Variants in RNF216 observed in about 807,000 individuals in gnomAD.
RNF216 encodes the protein ring finger protein 216.
RNF216 carries 72 observed loss-of-function variants against 110.8 expected under a neutral mutation model. That is an observed-to-expected ratio of 0.65 (90% confidence interval 0.54 to 0.79). The LOEUF (loss-of-function observed/expected upper bound fraction) is 0.79, where lower values mean the gene tolerates loss of function less well. Ranked by LOEUF, RNF216 falls within the 30% of genes least tolerant of loss-of-function variation. The pLI is 0.00. For missense variants in RNF216, 1,342 were observed against 1,141.2 expected, an observed-to-expected ratio of 1.18 and a Z score of -2.54; for synonymous variants, 495 against 407.5, an observed-to-expected ratio of 1.21 and a Z score of -2.59.
Position 5,641,152 on chromosome 7 carries a change from A to AC in RNF216, c.2382+1dup. On this transcript the variant is annotated splice_donor_variant, in intron 15 of 16. Transcript: ENST00000389902. LOFTEE classifies it high-confidence loss of function. Reference sequence around the variant, plus strand: ...GCAATAGGCAGCCATGTGTCTACTTACAGTGGGATCGGTCCAGAGAGAGCA... The same window carrying AC: ...GCAATAGGCAGCCATGTGTCTACTTACCAGTGGGATCGGTCCAGAGAGAGCA... 6.2e-7 allele frequency: 1 copy of AC among 1,607,292 alleles called. No homozygotes were observed. Among genetic ancestry groups the AC allele is most frequent in the Non-Finnish European group, 8.5e-7 (1 of 1,174,084 alleles).
At chr7:5,711,867 T>TA (rs1366685848) in intron 12 of RNF216, 28 bp from the exon 13 acceptor site, 1 of 1,599,156 alleles carries the variant, frequency 6.3e-7, no homozygotes, top group East Asian at 2.2e-5. Flanking sequence ...GAACTGACAT[T>TA]ACTTCAAACA....
intron 9 of RNF216, among the ~76,000 whole-genome samples, chr7:5,720,345 A>G (rs1441030467): frequency 1.3e-5 from 2 of 152,232 alleles, no homozygotes; most frequent in African/African-American, 4.8e-5. Context: ...CATTTAATGA[A>G]TATGAAATAT....
At position 5,721,127 on chromosome 7, in the gene RNF216, C is replaced by A. The variant is rs747273538; in HGVS notation, c.1550G>T (p.Arg517Leu). 6.2e-7 allele frequency: 1 copy of A among 1,613,880 alleles called. No homozygotes were observed. The highest frequency in any genetic ancestry group is 8.5e-7 in the Non-Finnish European group (1 of 1,179,798). ...TCGGTCATAGGACCTACAATGTCGT[C>A]GCTTATTTTCAAGAAAGAACATCCT... ...EKRMFFLENKRRHCRSYDRRA... is the reference protein window; with the variant it reads ...EKRMFFLENKLRHCRSYDRRA... Residue 517 changes from arginine (R) to leucine (L), a missense_variant, in exon 9 of 17, where the codon CGA becomes CTA. Arg to Leu is a moderately radical substitution (Grantham distance 102). Transcript: ENST00000389902.
At chr7:5,772,214 C>A (rs1584620034) in intron 1 of RNF216, among the ~76,000 whole-genome samples, 2 of 152,154 alleles carry the variant, frequency 1.3e-5, no homozygotes, top group African/African-American at 4.8e-5. Flanking sequence ...GCCTGGGCAA[C>A]AAGAGTGAAA....
chr7:5,733,062 GAGACTGAGCTACAACAA>G (rs1465104775), intron 5 of RNF216: 1 of 152,230 alleles, frequency 6.6e-6, no homozygotes, highest in African/African-American at 2.4e-5. Flanking sequence ...TAAAGCAACT[GAGACTGAGCTACAACAA>G]AATCCCAGCC....
intron 14 of RNF216, among the ~76,000 whole-genome samples, chr7:5,648,354 G>A (rs1164295513): frequency 2.0e-5 from 3 of 151,682 alleles, no homozygotes; most frequent in Non-Finnish European, 4.4e-5. Context: ...TGATCCGCCT[G>A]CCTCAGCCTC....
intron 13 of RNF216, among the ~76,000 whole-genome samples, chr7:5,691,700 C>T (rs555381605): frequency 6.6e-6 from 1 of 152,358 alleles, no homozygotes; most frequent in Non-Finnish European, 1.5e-5. Context: ...ACACATGGTT[C>T]TGGCCACCCG....
intron 13 of RNF216, among the ~76,000 whole-genome samples, chr7:5,664,521 C>A (rs1789377687): frequency 6.6e-6 from 1 of 152,226 alleles, no homozygotes; most frequent in South Asian, 2.1e-4. Context: ...AAGTTGATCT[C>A]TCTTCAATCA....
intron 13 of RNF216, among the ~76,000 whole-genome samples, chr7:5,706,728 G>T (rs74780509): frequency 6.6e-6 from 1 of 152,126 alleles, no homozygotes; most frequent in African/African-American, 2.4e-5. Flanking sequence ...CCTTTCCACC[G>T]GCTGCCTTTT....
At chr7:5,675,337 C>A (rs1324242651) in intron 13 of RNF216, among the ~76,000 whole-genome samples, 2 of 152,132 alleles carry the variant, frequency 1.3e-5, no homozygotes, top group Admixed American at 6.6e-5. Context: ...TCCCAGGGGA[C>A]AGGGGAGGTG....
chr7:5,712,755 C>G lies in RNF216; in HGVS notation c.1942G>C (p.Glu648Gln). 6.2e-7 allele frequency: 1 copy of G among 1,614,106 alleles called. No individual in the cohort carries two copies. Among genetic ancestry groups the G allele is most frequent in the Non-Finnish European group, 8.5e-7 (1 of 1,180,030 alleles). Residue 648 changes from glutamate to glutamine, a missense_variant, in exon 12 of 17, where the codon GAG becomes CAG. Coordinates refer to ENST00000389902, the MANE Select transcript of RNF216 (RefSeq NM_207111.4). ...GCGTAGGCTGCCGCAACCTCCTCCT[C>G]GGCTTTTCGCTCATAGTACTTATAC... ...ILYKYYERKAEEEVAAAYADE... is the reference protein window; with the variant it reads ...ILYKYYERKAQEEVAAAYADE...
intron 2 of RNF216, among the ~76,000 whole-genome samples, chr7:5,753,566 ATTC>A (rs1277986433): frequency 6.6e-6 from 1 of 152,184 alleles, no homozygotes; most frequent in Non-Finnish European, 1.5e-5. Context: ...AAATGTAGTA[ATTC>A]TATTCAAGGT....
intron 13 of RNF216, among the ~76,000 whole-genome samples, chr7:5,688,609 C>G (rs1412135877): frequency 6.6e-6 from 1 of 152,184 alleles, no homozygotes; most frequent in Non-Finnish European, 1.5e-5. Flanking sequence ...CCAGCTTTAT[C>G]CTTTACATTT....
chr7:5,668,694 G>A (rs1789695184), intron 13 of RNF216, among the ~76,000 whole-genome samples: 1 of 152,198 alleles, frequency 6.6e-6, no homozygotes, highest in African/African-American at 2.4e-5. Flanking sequence ...CACCCAGAGT[G>A]GAGGGCTCAG....
chr7:5,671,801 G>A (rs1196733468), intron 13 of RNF216, among the ~76,000 whole-genome samples: 10 of 75,644 alleles, frequency 1.3e-4, no homozygotes, highest in Admixed American at 6.9e-4. Flanking sequence ...CCAAAACTCC[G>A]TCTCAAAAAA....
rs1786313971 is a variant in RNF216, at chr7:5,620,934, A to G, written c.*1926T>C. ...TCCTCCCTGGGGAAGCACAGGGAGC[A>G]TATTTAAGGTACCGAAGACAATCCT... On this transcript the variant is annotated 3_prime_UTR_variant, in exon 17 of 17. Transcript: ENST00000389902. 6.6e-6 allele frequency: 1 copy of G among 152,234 alleles called. No individual in the cohort carries two copies. The highest frequency in any genetic ancestry group is 1.5e-5 in the Non-Finnish European group (1 of 68,054). The allele number at this position is 152,234 out of a possible 1,614,324, so 9.4% of individuals were successfully genotyped here.
intron 1 of RNF216, among the ~76,000 whole-genome samples, chr7:5,777,033 G>A (rs533551295): frequency 7.2e-5 from 11 of 152,076 alleles, no homozygotes; most frequent in South Asian, 2.1e-4. Flanking sequence ...GGGCTCCTGG[G>A]CCCAGAGTCA....
chr7:5,626,412 T>TA (rs746722830), intron 15 of RNF216, among the ~76,000 whole-genome samples: 7,748 of 105,834 alleles, frequency 0.073, 318 homozygotes, highest in African/African-American at 0.17. Flanking sequence ...GAAAAAAGAC[T>TA]AAAAAAAAAA....
intron 1 of RNF216, among the ~76,000 whole-genome samples, chr7:5,775,807 T>A (rs563847850): frequency 4.0e-5 from 6 of 151,346 alleles, no homozygotes; most frequent in African/African-American, 1.5e-4. Context: ...ATGCAAAGCT[T>A]GCAGTGAGCC....
Sources: gnomAD v4.1 joint callset for allele counts (sites outside exome capture counted in the v4.1 genomes callset) on GRCh38, gnomAD v4.1.1 for gene constraint, MANE v1.5 for transcripts, NCBI Gene and HGNC (gene_info 2026-07-23, HGNC 2026-07-21) for gene names.